CEP295: variants seen among roughly 807,000 people sequenced by gnomAD.
CEP295 encodes the protein centrosomal protein 295.
CEP295 carries 190 observed loss-of-function variants against 291.6 expected under a neutral mutation model. The observed-to-expected ratio is 0.65, with a 90% CI of 0.58 to 0.73. The LOEUF is 0.73. CEP295 is among the 30% of genes least tolerant of loss of function. The pLI is 0.00. For synonymous variants in CEP295, 993 were observed against 1,038.8 expected, an observed-to-expected ratio of 0.96 and a Z score of 0.85; for missense variants, 2,863 against 2,949.4, an observed-to-expected ratio of 0.97 and a Z score of 0.68.
chr11:93,671,072 G>A (rs1045108811), intron 5 of CEP295, among the ~76,000 whole-genome samples: 3 of 151,958 alleles, frequency 2.0e-5, no homozygotes, highest in Admixed American at 1.3e-4. Context: ...TAGTAGAGAC[G>A]GGGTTTCACC....
At chr11:93,685,065 A>T (rs1470214002) in intron 9 of CEP295, among the ~76,000 whole-genome samples, 2 of 152,178 alleles carry the variant, frequency 1.3e-5, no homozygotes, top group Admixed American at 1.3e-4. Context: ...AACTGTCTCT[A>T]CCTGTCTTTT....
intron 5 of CEP295, among the ~76,000 whole-genome samples, chr11:93,671,970 T>C (rs1590972128): frequency 6.6e-6 from 1 of 152,346 alleles, no homozygotes; most frequent in East Asian, 1.9e-4. Flanking sequence ...GTGAAGAGAA[T>C]TGATACTTCT....
At position 93,667,672 on chromosome 11, in the gene CEP295, A is replaced by G; in HGVS notation, c.174A>G (p.Gln58=). 1 of 1,551,586 alleles carries G rather than the reference A, an allele frequency of 6.4e-7. No homozygotes were observed. Among genetic ancestry groups the G allele is most frequent in the Non-Finnish European group, 8.7e-7 (1 of 1,146,814 alleles). Residue 58 remains glutamine, a synonymous_variant, in exon 3 of 30, where the codon CAA becomes CAG. Transcript: ENST00000325212. ...IREDIKQRRN[Q]QFTRLAEELR... Reference sequence around the variant, plus strand: ...AAGACATAAAACAGAGGAGAAATCAACAATTTACACGTTTGGCAGAGGAGC... The same window carrying G: ...AAGACATAAAACAGAGGAGAAATCAGCAATTTACACGTTTGGCAGAGGAGC...
At chr11:93,709,136 G>A (rs1206312095) in intron 18 of CEP295, among the ~76,000 whole-genome samples, 5 of 152,152 alleles carry the variant, frequency 3.3e-5, no homozygotes, top group African/African-American at 7.2e-5. Flanking sequence ...CTTTGCAAAA[G>A]CTTTTTAATT....
intron 6 of CEP295, among the ~76,000 whole-genome samples, chr11:93,677,627 G>A (rs1261575617): frequency 6.6e-6 from 1 of 152,026 alleles, no homozygotes; most frequent in East Asian, 1.9e-4. Context: ...TGACAGTTAC[G>A]TAGCATTTTT....
chr11:93,664,474 G>T (rs938544682), intron 1 of CEP295, among the ~76,000 whole-genome samples: 1 of 152,236 alleles, frequency 6.6e-6, no homozygotes, highest in Non-Finnish European at 1.5e-5. Flanking sequence ...TACCAAAGCC[G>T]TGTGAATATT....
chr11:93,729,758 C>T lies in CEP295; in HGVS notation c.7544C>T (p.Thr2515Ile), dbSNP rs1938129009. 6.5e-7 allele frequency: 1 copy of T among 1,547,532 alleles called. No homozygotes were observed. Among genetic ancestry groups the T allele is most frequent in the Non-Finnish European group, 8.7e-7 (1 of 1,144,654 alleles). The part of the protein sequence containing the change: ...IHVSENSQIK[T>I]VKEKPSISSS... ...GTCTCTGAAAATTCTCAAATCAAAA[C>T]AGTTAAAGAGAAACCATCTATAAGT... The change falls in exon 27 of 30, where the codon ACA becomes ATA. Residue 2515 changes from threonine (T) to isoleucine (I), a missense_variant. Around this residue, in one of 3 missense-constraint regions of CEP295, gnomAD observed 2,295 missense variants for 2,335.7 expected, o/e 0.98. Coordinates refer to ENST00000325212, the MANE Select transcript of CEP295 (RefSeq NM_033395.2).
chr11:93,719,796 A>C (rs1953562974), intron 18 of CEP295: 1 of 152,074 alleles, frequency 6.6e-6, no homozygotes, highest in African/African-American at 2.4e-5. Context: ...TTCTAATATC[A>C]CTGAGATTAT....
Position 93,730,107 on chromosome 11 carries a change from G to A in CEP295, c.7726G>A (p.Ala2576Thr), listed in dbSNP as rs1156691518. ...AAAGGAAGAAAAAACAAAACAAGAAGCTTATGCCCAAAACAGAGCAAGGGC... is the reference window on the plus strand; with the variant it reads ...AAAGGAAGAAAAAACAAAACAAGAAACTTATGCCCAAAACAGAGCAAGGGC... ...QQKEEKTKQE[A>T]YAQNRARAKE... Residue 2576 changes from alanine (A) to threonine (T), a missense_variant, in exon 29 of 30, where the codon GCT (alanine) becomes ACT (threonine). By Grantham distance (58) the Ala-to-Thr change is moderately conservative. Coordinates refer to ENST00000325212, the MANE Select transcript of CEP295 (RefSeq NM_033395.2). The A allele has an allele frequency of 1.9e-6, 3 of 1,551,026 alleles. No individual in the cohort carries two copies. Among genetic ancestry groups the A allele is most frequent in the Non-Finnish European group, 1.7e-6 (2 of 1,146,866 alleles).
rs1421738426 is a variant in CEP295, at chr11:93,729,653, A to G, written c.7439A>G (p.Gln2480Arg). The part of the protein sequence containing the change: ...RRLTPVPGSL[Q>R]EAFIKRKKSF... The stretch of plus-strand genomic sequence containing the variant: ...CTTACACCTGTACCAGGGAGCTTAC[A>G]AGAAGCATTTATAAAGAGGAAAAAA... Residue 2480 changes from glutamine (Q) to arginine (R), a missense_variant, in exon 27 of 30, where the codon CAA becomes CGA. Gln to Arg is a conservative substitution (Grantham distance 43). Transcript: ENST00000325212. 9.0e-6 allele frequency: 14 copies of G among 1,550,708 alleles called. No homozygotes were observed. Among genetic ancestry groups the G allele is most frequent in the Non-Finnish European group, 1.1e-5 (13 of 1,146,796 alleles).
In CEP295 at chr11:93,668,866, T is replaced by G; in HGVS notation, c.368T>G (p.Leu123Trp). Residue 123 changes from leucine (L) to tryptophan (W), a missense_variant, in exon 4 of 30, where the codon TTG (leucine) becomes TGG (tryptophan). Coordinates refer to ENST00000325212, the MANE Select transcript of CEP295 (RefSeq NM_033395.2). Reference protein sequence around the residue: ...RAAERKRKADLRHKEALKVQK... With the variant: ...RAAERKRKADWRHKEALKVQK... ...GCAGAAAGGAAAAGAAAAGCAGATT[T>G]GAGGCATAAAGAAGCCTTGAAAGTA... is the stretch of plus-strand genomic sequence containing the variant. 6.7e-7 allele frequency: 1 copy of G among 1,496,016 alleles called. No individual in the cohort carries two copies. Among genetic ancestry groups the G allele is most frequent in the Non-Finnish European group, 9.0e-7 (1 of 1,105,032 alleles). The allele number at this position is 1,496,016 out of a possible 1,614,324, so 92.7% of individuals were successfully genotyped here.
intron 6 of CEP295, among the ~76,000 whole-genome samples, chr11:93,676,064 C>T (rs1950673768): frequency 6.6e-6 from 1 of 151,966 alleles, no homozygotes. Context: ...AACATATACA[C>T]ACACTTTTCA....
In CEP295 at chr11:93,699,571, C is replaced by G; in HGVS notation, c.4659C>G (p.Ser1553=). Residue 1553 remains serine, a synonymous_variant, in exon 15 of 30, where the codon TCC becomes TCG. Transcript: ENST00000325212. The part of the protein sequence containing the change: ...SEQVCSSSFV[S]QVPVADSERT... ...AAGTTTGCTCCTCTTCATTTGTATC[C>G]CAGGTGCCTGTTGCTGACTCTGAAA... The G allele has an allele frequency of 1.3e-6, 2 of 1,551,802 alleles. No individual in the cohort carries two copies. The highest frequency in any genetic ancestry group is 4.9e-5 in the East Asian group (2 of 40,904).
At chr11:93,674,403 G>T (rs373769076) in intron 5 of CEP295, among the ~76,000 whole-genome samples, 3 of 152,206 alleles carry the variant, frequency 2.0e-5, no homozygotes, top group African/African-American at 7.2e-5. Flanking sequence ...TGTTGCATTT[G>T]TGATGTCATT....
At chr11:93,670,588 A>G (rs572921132) in intron 5 of CEP295, among the ~76,000 whole-genome samples, 43 of 152,272 alleles carry the variant, frequency 2.8e-4, no homozygotes, top group Non-Finnish European at 4.4e-4. Context: ...CATAAGTACC[A>G]GATACTCACT....
In CEP295 at chr11:93,727,559, A is replaced by G. The variant is rs1402626228; in HGVS notation, c.7083A>G (p.Lys2361=). 1 of 1,551,586 alleles carries G rather than the reference A, an allele frequency of 6.4e-7. No homozygotes were observed. Among genetic ancestry groups the G allele is most frequent in the African/African-American group, 1.4e-5 (1 of 73,164 alleles). Residue 2361 remains lysine, a synonymous_variant, in exon 24 of 30, where the codon AAA becomes AAG. Transcript: ENST00000325212. ...SAETDIPKIT[K]KLSQLGESEL... ...AAACAGACATTCCAAAAATCACCAA[A>G]AAACTATCTCAACTAGGAGAATCAG...
At chr11:93,726,089 T>C (rs1954109930) in intron 23 of CEP295, among the ~76,000 whole-genome samples, 1 of 152,156 alleles carries the variant, frequency 6.6e-6, no homozygotes, top group Non-Finnish European at 1.5e-5. Flanking sequence ...GTTAACAGTT[T>C]AAGTATTATT....
chr11:93,727,293 G>C lies in CEP295; in HGVS notation c.6817G>C (p.Glu2273Gln), dbSNP rs878940509. 33 of 1,551,572 alleles carry C rather than the reference G, an allele frequency of 2.1e-5. 1 individual carries two copies. The East Asian group carries it at 5.4e-4, about 25-fold the overall frequency. ...SSECSTKHQL[E>Q]SRKESMGFEE... Reference sequence around the variant, plus strand: ...TGAGTGCTCAACAAAACACCAACTAGAAAGCAGAAAGGAAAGTATGGGCTT... The same window carrying C: ...TGAGTGCTCAACAAAACACCAACTACAAAGCAGAAAGGAAAGTATGGGCTT... The change falls in exon 24 of 30, where the codon GAA (glutamate) becomes CAA (glutamine). Residue 2273 changes from glutamate to glutamine, a missense_variant. Around this residue, in one of 3 missense-constraint regions of CEP295, gnomAD observed 2,295 missense variants for 2,335.7 expected, o/e 0.98. Transcript: ENST00000325212.
intron 7 of CEP295, 31 bp from the exon 8 acceptor site, chr11:93,683,528 C>T: frequency 6.9e-7 from 1 of 1,456,514 alleles, no homozygotes; most frequent in Non-Finnish European, 9.1e-7. Context: ...GTTTGTGACT[C>T]AGTTTTTGTT....
Sources: gnomAD v4.1 joint callset for allele counts (sites outside exome capture counted in the v4.1 genomes callset) on GRCh38, gnomAD v4.1.1 for gene constraint, gnomAD v4.1.1 regional missense constraint, MANE v1.5 for transcripts, NCBI Gene and HGNC (gene_info 2026-07-23, HGNC 2026-07-21) for gene names.